EML6: variants seen among roughly 807,000 people sequenced by gnomAD.
EML6 encodes echinoderm microtubule-associated protein-like 6.
A neutral mutation model predicts 240.1 loss-of-function variants in EML6; 154 were observed. The ratio of observed to expected loss-of-function variants is 0.64; its 90% CI spans 0.56 to 0.73. The LOEUF is 0.73. Ranked by LOEUF, EML6 falls within the 30% of genes least tolerant of loss-of-function variation. The pLI, the probability that EML6 is intolerant of heterozygous loss-of-function variation, is 0.00. For missense variants in EML6, 2,964 were observed against 2,474.6 expected (o/e 1.20, Z -4.20); for synonymous variants, 1,148 against 899.0 (o/e 1.28, Z -4.95).
intron 26 of EML6, among the ~76,000 whole-genome samples, chr2:54,924,259 G>C (rs191844904): frequency 2.0e-5 from 3 of 152,182 alleles, no homozygotes; most frequent in African/African-American, 7.2e-5. Flanking sequence ...GCTGATATTC[G>C]ATCTTGTCAG....
intron 26 of EML6, among the ~76,000 whole-genome samples, chr2:54,925,442 C>A (rs1318553630): frequency 6.6e-6 from 1 of 152,166 alleles, no homozygotes; most frequent in Non-Finnish European, 1.5e-5. Flanking sequence ...CTTGGTGATA[C>A]CTGTGAGATC....
chr2:54,848,653 A>C (rs1274087389), intron 9 of EML6, among the ~76,000 whole-genome samples: 1 of 152,128 alleles, frequency 6.6e-6, no homozygotes, highest in Admixed American at 6.5e-5. Flanking sequence ...ATTATTTGCT[A>C]TTCTTTATGT....
intron 2 of EML6, among the ~76,000 whole-genome samples, chr2:54,729,945 G>A (rs558163358): frequency 1.3e-5 from 2 of 152,282 alleles, no homozygotes; most frequent in East Asian, 3.9e-4. Context: ...GGACTAGCCT[G>A]GGTGGCATGG....
At chr2:54,768,893 A>G (rs1237698958) in intron 2 of EML6, among the ~76,000 whole-genome samples, 1 of 152,216 alleles carries the variant, frequency 6.6e-6, no homozygotes, top group Non-Finnish European at 1.5e-5. Flanking sequence ...GTAAATCCCA[A>G]TCTATGATTT....
intron 2 of EML6, among the ~76,000 whole-genome samples, chr2:54,763,737 A>G (rs1477077084): frequency 6.6e-6 from 1 of 152,178 alleles, no homozygotes; most frequent in African/African-American, 2.4e-5. Context: ...AAAATTGGGT[A>G]TGACATTAAT....
intron 2 of EML6, among the ~76,000 whole-genome samples, chr2:54,759,014 A>T (rs868700): frequency 0.31 from 47,272 of 151,592 alleles, 9,570 homozygotes; most frequent in African/African-American, 0.58. Flanking sequence ...AACAAAAAAT[A>T]GGGATGGAGT....
chr2:54,934,304 C>T (rs1174656834), intron 28 of EML6, among the ~76,000 whole-genome samples: 1 of 152,246 alleles, frequency 6.6e-6, no homozygotes, highest in African/African-American at 2.4e-5. Context: ...TTTTGTCATT[C>T]TCATGGGAAA....
At chr2:54,736,481 A>T (rs1683396170) in intron 2 of EML6, among the ~76,000 whole-genome samples, 1 of 152,100 alleles carries the variant, frequency 6.6e-6, no homozygotes. Flanking sequence ...AATCCCTAAG[A>T]TCCTTCCAAA....
At chr2:54,810,586 G>C (rs1178450614) in intron 2 of EML6, among the ~76,000 whole-genome samples, 2 of 152,212 alleles carry the variant, frequency 1.3e-5, no homozygotes, top group African/African-American at 4.8e-5. Context: ...TATATCTCTT[G>C]AAAGTGTTTC....
chr2:54,936,351 A>G (rs943317406), intron 28 of EML6, among the ~76,000 whole-genome samples: 14 of 152,318 alleles, frequency 9.2e-5, no homozygotes, highest in African/African-American at 3.1e-4. Context: ...TGGTGGAGCC[A>G]TGGTTAGTAA....
chr2:54,915,760 G>GCAGCGT (rs1673876320), intron 25 of EML6, among the ~76,000 whole-genome samples: 1 of 152,032 alleles, frequency 6.6e-6, no homozygotes, highest in South Asian at 2.1e-4. Flanking sequence ...GGGTACATTA[G>GCAGCGT]CAGCGTGCAA....
chr2:54,866,896 G>A lies in EML6; in HGVS notation c.2051+12G>A, dbSNP rs1335756492. The A allele has an allele frequency of 1.4e-5, 21 of 1,480,076 alleles. No individual in the cohort carries two copies. Among genetic ancestry groups the A allele is most frequent in the Non-Finnish European group, 1.9e-5 (21 of 1,082,318 alleles). 91.7% of individuals were successfully genotyped at this position (1,480,076 alleles called of 1,614,324 possible). A position where few individuals can be genotyped will look rare whatever the true frequency, so the allele number is the denominator to read the frequency against. On this transcript the variant is annotated intron_variant, in intron 14 of 41. Coordinates refer to ENST00000356458, the MANE Select transcript of EML6 (RefSeq NM_001039753.4). ...CAGTTCATACACGGGTGGGTGGCCT[G>A]TCATGGGCGCCCGTATGTGTTCCTC...
Position 54,903,415 on chromosome 2 carries a change from G to T in EML6, c.3322G>T (p.Asp1108Tyr). The T allele has an allele frequency of 6.4e-7, 1 of 1,551,790 alleles. No homozygotes were observed. Among genetic ancestry groups the T allele is most frequent in the Non-Finnish European group, 8.7e-7 (1 of 1,146,962 alleles). The change falls in exon 24 of 42, where the codon GAT becomes TAT. Residue 1108 changes from aspartate to tyrosine, a missense_variant. Transcript: ENST00000356458. Reference protein sequence around the residue: ...LAVASHDNFVDIYNVLTSKRV... With the variant: ...LAVASHDNFVYIYNVLTSKRV... ...CGTGGCATCCCATGATAACTTTGTG[G>T]ATATTTACAACGTACTTACAAGCAA...
At chr2:54,964,863 G>A (rs762232407) in intron 38 of EML6, 130 bp downstream of exon 38, 1 of 752,732 alleles carries the variant, frequency 1.3e-6, no homozygotes, top group Admixed American at 3.4e-5. Context: ...AACTCCTTAA[G>A]TAGTTACTTT....
At chr2:54,865,239 G>A (rs1013442245) in intron 13 of EML6, among the ~76,000 whole-genome samples, 1 of 151,146 alleles carries the variant, frequency 6.6e-6, no homozygotes, top group Non-Finnish European at 1.5e-5. Flanking sequence ...CTGTAATACC[G>A]ATGCTTTGGG....
chr2:54,951,582 C>T (rs984239805), intron 30 of EML6, among the ~76,000 whole-genome samples: 3 of 151,532 alleles, frequency 2.0e-5, no homozygotes, highest in African/African-American at 4.9e-5. Flanking sequence ...CACATGGTGA[C>T]TCAAATTTTA....
At chr2:54,744,847 C>A (rs1177336180) in intron 2 of EML6, among the ~76,000 whole-genome samples, 1 of 151,428 alleles carries the variant, frequency 6.6e-6, no homozygotes, top group Non-Finnish European at 1.5e-5. Flanking sequence ...TCAGTCACCA[C>A]TGTATTAGGT....
chr2:54,957,832 T>G lies in EML6; in HGVS notation c.4529T>G (p.Phe1510Cys). 6.4e-7 allele frequency: 1 copy of G among 1,550,390 alleles called. No individual in the cohort carries two copies. Among genetic ancestry groups the G allele is most frequent in the South Asian group, 1.2e-5 (1 of 84,000 alleles). Residue 1510 changes from phenylalanine (F) to cysteine (C), a missense_variant, in exon 33 of 42, where the codon TTT (phenylalanine) becomes TGT (cysteine). Transcript: ENST00000356458. The part of the protein sequence containing the change: ...ASRGGHLERI[F>C]VVEFRPDSDT... ...CGAGGGGGTCACCTGGAGCGCATAT[T>G]TGTGGTGGAATTTCGCCCCGACTCA...
chr2:54,871,949 C>T (rs1014147557), intron 16 of EML6, among the ~76,000 whole-genome samples: 6 of 152,154 alleles, frequency 3.9e-5, no homozygotes, highest in East Asian at 1.9e-4. Flanking sequence ...TTGACTTAGT[C>T]GCAAATGTCT....
Sources: allele counts gnomAD v4.1 joint callset (sites outside exome capture counted in the v4.1 genomes callset), GRCh38; gene constraint gnomAD v4.1.1; transcripts MANE v1.5; gene names NCBI Gene and HGNC (gene_info 2026-07-23, HGNC 2026-07-21).